UQCRH: variants seen among roughly 807,000 people sequenced by gnomAD.
The protein encoded by UQCRH is ubiquinol-cytochrome c reductase hinge protein.
Under a neutral mutation model 16.3 loss-of-function variants are expected in UQCRH, and 14 were observed. The observed-to-expected ratio is 0.86, with a 90% CI of 0.57 to 1.34. The LOEUF (loss-of-function observed/expected upper bound fraction) is 1.34, where lower values mean the gene tolerates loss of function less well. Ranked by LOEUF, UQCRH falls within the 40% of genes most tolerant of loss-of-function variation. The pLI, the probability that UQCRH is intolerant of heterozygous loss-of-function variation, is 0.00. For synonymous variants in UQCRH, 41 were observed against 41.9 expected (o/e 0.98, Z 0.08); for missense variants, 89 against 111.9 (o/e 0.80, Z 0.92).
chr1:46,312,148 T>G (rs183718684), intron 3 of UQCRH, among the ~76,000 whole-genome samples: 1 of 151,772 alleles, frequency 6.6e-6, no homozygotes, highest in African/African-American at 2.4e-5. Context: ...CAGGCTGGAG[T>G]GCAGTGGCGC....
intron 3 of UQCRH, among the ~76,000 whole-genome samples, chr1:46,312,749 CTTACATATAACACAGTAAGGTATT>C (rs1661503693): frequency 6.6e-6 from 1 of 151,956 alleles, no homozygotes; most frequent in South Asian, 2.1e-4. Flanking sequence ...CTGCTTGACT[CTTACATATAACACAGTAAGGTATT>C]TTACATAAAT....
rs113885743 is a variant in UQCRH at position 46,311,600 on chromosome 1, C to CT, written c.243+1294dup. Among the ~76,000 whole-genome samples, 1,165 of 144,146 alleles carry CT rather than the reference C, an allele frequency of 8.1e-3. 18 individuals carry two copies. The highest frequency in any genetic ancestry group is 0.028 in the African/African-American group (1,100 of 39,544). 94.6% of individuals were successfully genotyped at this position (144,146 alleles called of 152,430 possible). On this transcript the variant is annotated intron_variant, in intron 3 of 3. Transcript: ENST00000311672. ...ATATAGTAGTTGGTCCAAAAGGTTG[C>CT]TTTTTTTTTTGAGACGGAGTCTTGG...
chr1:46,314,255 A>G (rs937958636), intron 3 of UQCRH, among the ~76,000 whole-genome samples: 1 of 151,862 alleles, frequency 6.6e-6, no homozygotes, highest in South Asian at 2.1e-4. Context: ...AGAACCAGCT[A>G]CTTGGGAGGC....
chr1:46,309,008 G>A (rs1661421903), intron 1 of UQCRH, 93 bp from the exon 2 acceptor site: 8 of 1,373,196 alleles, frequency 5.8e-6, no homozygotes, highest in Non-Finnish European at 8.2e-6. Context: ...CGTTAATAGT[G>A]TCAGTGTCTA....
At chr1:46,314,457 T>A (rs184888549) in intron 3 of UQCRH, among the ~76,000 whole-genome samples, 4 of 151,732 alleles carry the variant, frequency 2.6e-5, no homozygotes, top group Non-Finnish European at 5.9e-5. Flanking sequence ...GATCACCTGC[T>A]GTCCGGAGTT....
intron 3 of UQCRH, among the ~76,000 whole-genome samples, chr1:46,314,404 C>T (rs1033007248): frequency 3.3e-5 from 5 of 151,532 alleles, no homozygotes; most frequent in African/African-American, 1.2e-4. Flanking sequence ...GGCATAGCAG[C>T]TCATGCCTGT....
At chr1:46,312,913 G>C (rs1021723121) in intron 3 of UQCRH, among the ~76,000 whole-genome samples, 1 of 151,984 alleles carries the variant, frequency 6.6e-6, no homozygotes, top group African/African-American at 2.4e-5. Flanking sequence ...TATACCAACT[G>C]CCCACTAGGA....
At position 46,308,362 on chromosome 1, in the gene UQCRH, C is replaced by T. The variant is rs541939742; in HGVS notation, c.55-739C>T. ...GAGGGGAAGGAAGCATGGCTCAGCA[C>T]CTTGGTTTCTATGGGAAGGAATTGG... On this transcript the variant is annotated intron_variant, in intron 1 of 3. Transcript: ENST00000311672. Among the ~76,000 whole-genome samples the T allele has an allele frequency of 7.9e-5, 12 of 152,232 alleles. No individual in the cohort carries two copies. The South Asian group carries it at 2.3e-3, about 29-fold the overall frequency.
At chr1:46,313,685 A>G (rs952335939) in intron 3 of UQCRH, among the ~76,000 whole-genome samples, 43 of 151,716 alleles carry the variant, frequency 2.8e-4, no homozygotes, top group Non-Finnish European at 3.7e-4. Context: ...AGATAGATAG[A>G]TATAGATAAC....
At position 46,305,271 on chromosome 1, in the gene UQCRH, CG is replaced by C. The variant is rs1661346193; in HGVS notation, c.54+1452del. Among the ~76,000 whole-genome samples, 3 of 132,064 alleles carry C rather than the reference CG, an allele frequency of 2.3e-5. No individual in the cohort carries two copies. In the South Asian group the frequency reaches 6.9e-4, roughly 31 times the overall value. 86.6% of individuals were successfully genotyped at this position (132,064 alleles called of 152,430 possible). A position where few individuals can be genotyped will look rare whatever the true frequency, so the allele number is the denominator to read the frequency against. On this transcript the variant is annotated intron_variant, in intron 1 of 3. Coordinates refer to ENST00000311672, the MANE Select transcript of UQCRH (RefSeq NM_006004.4). ...CGTGATCGTGTCACTGCACTCCAGC[CG>C]AGGCAACCCGAGTGAGACCCTGTCT...
At position 46,310,317 on chromosome 1, in the gene UQCRH, G is replaced by T. The variant is rs201496001; in HGVS notation, c.243+1G>T. 6.2e-7 allele frequency: 1 copy of T among 1,613,974 alleles called. No individual in the cohort carries two copies. Among genetic ancestry groups the T allele is most frequent in the Non-Finnish European group, 8.5e-7 (1 of 1,180,004 alleles). Reference sequence around the variant, plus strand: ...CTTCTTGCATGCGAGGGACCATTGCGTAAGTCAGTGGGAAGTCAGGAAGGG... The same window carrying T: ...CTTCTTGCATGCGAGGGACCATTGCTTAAGTCAGTGGGAAGTCAGGAAGGG... On this transcript the variant is annotated splice_donor_variant, in intron 3 of 3. Transcript: ENST00000311672. LOFTEE classifies it high-confidence loss of function.
chr1:46,308,251 A>C (rs1290800035), intron 1 of UQCRH, among the ~76,000 whole-genome samples: 1 of 152,150 alleles, frequency 6.6e-6, no homozygotes, highest in African/African-American at 2.4e-5. Context: ...TATTACTTAA[A>C]TTTCCTGAAA....
At chr1:46,305,771 TA>T (rs1553172829) in intron 1 of UQCRH, among the ~76,000 whole-genome samples, 1 of 112,226 alleles carries the variant, frequency 8.9e-6, no homozygotes, top group Admixed American at 9.7e-5. Context: ...AATAAATAAA[TA>T]AAATAAAATA....
At chr1:46,313,960 T>C (rs1049325227) in intron 3 of UQCRH, among the ~76,000 whole-genome samples, 1 of 152,218 alleles carries the variant, frequency 6.6e-6, no homozygotes. Context: ...TAAACAGATA[T>C]TTCCACATTC....
At position 46,307,234 on chromosome 1, in the gene UQCRH, G is replaced by A. The variant is rs150469757; in HGVS notation, c.55-1867G>A. On this transcript the variant is annotated intron_variant, in intron 1 of 3. Transcript: ENST00000311672. ...TAATTTTTGTATTTTTAGTAGAGACGGGGTTTCACCATGGTGGCCGGGCTG... is the reference window on the plus strand; with the variant it reads ...TAATTTTTGTATTTTTAGTAGAGACAGGGTTTCACCATGGTGGCCGGGCTG... 6.7e-3 allele frequency among the ~76,000 whole-genome samples: 1,020 copies of A among 152,204 alleles called. 19 individuals carry two copies. In the East Asian group the frequency reaches 0.075, roughly 11 times the overall value.
At chr1:46,312,642 C>A (rs1454070757) in intron 3 of UQCRH, among the ~76,000 whole-genome samples, 1 of 151,886 alleles carries the variant, frequency 6.6e-6, no homozygotes, top group Non-Finnish European at 1.5e-5. Flanking sequence ...GGCAGGAGGA[C>A]CCCTTGACCC....
chr1:46,310,057 C>T, intron 2 of UQCRH, 98 bp from the exon 3 acceptor site: 1 of 1,569,476 alleles, frequency 6.4e-7, no homozygotes, highest in South Asian at 1.2e-5. Context: ...AATTCAGAGG[C>T]AGCACCTTGG....
At position 46,311,821 on chromosome 1, in the gene UQCRH, G is replaced by A. The variant is rs376356992; in HGVS notation, c.243+1505G>A. Among the ~76,000 whole-genome samples, 51 of 151,774 alleles carry A rather than the reference G, an allele frequency of 3.4e-4. 2 individuals carry two copies. In the South Asian group the frequency reaches 5.4e-3, roughly 16 times the overall value. On this transcript the variant is annotated intron_variant, in intron 3 of 3. Transcript: ENST00000311672. Reference sequence around the variant, plus strand: ...TTTTTTGTATTTTTAGTAGAGACGGGGTTTCACTGTGTTAGCCAAGATGGT... The same window carrying A: ...TTTTTTGTATTTTTAGTAGAGACGGAGTTTCACTGTGTTAGCCAAGATGGT...
chr1:46,310,042 A>G, intron 2 of UQCRH, 113 bp from the exon 3 acceptor site: 2 of 1,548,936 alleles, frequency 1.3e-6, no homozygotes, highest in Non-Finnish European at 1.7e-6. Context: ...GGCCTTCTGC[A>G]CGGTAATTCA....
Sources: gnomAD v4.1 joint callset for allele counts (sites outside exome capture counted in the v4.1 genomes callset) on GRCh38, gnomAD v4.1.1 for gene constraint, MANE v1.5 for transcripts, NCBI Gene and HGNC (gene_info 2026-07-23, HGNC 2026-07-21) for gene names.